Variants in HAL observed in about 807,000 individuals in gnomAD.
HAL encodes the protein histidase.
A neutral mutation model predicts 81.1 loss-of-function variants in HAL; 85 were observed. The ratio of observed to expected loss-of-function variants is 1.05; its 90% CI spans 0.88 to 1.25. The LOEUF (loss-of-function observed/expected upper bound fraction) is 1.25, where lower values mean the gene tolerates loss of function less well. Ranked by LOEUF, HAL falls within the 50% of genes most tolerant of loss-of-function variation. The probability of loss-of-function intolerance (pLI) is 0.00; values close to 1 mark genes in which losing one functional copy is unlikely to be tolerated. For synonymous variants in HAL, 301 were observed against 309.2 expected (o/e 0.97, Z 0.28); for missense variants, 798 against 836.6 (o/e 0.95, Z 0.57).
At chr12:95,978,884 A>G (rs142764945) in intron 17 of HAL, among the ~76,000 whole-genome samples, 151 of 152,274 alleles carry the variant, frequency 9.9e-4, no homozygotes, top group African/African-American at 3.4e-3. Flanking sequence ...GTTGTTTTCT[A>G]TGCTGCATGG....
chr12:95,974,444 C>A, intron 20 of HAL, 72 bp from the exon 21 acceptor site: 1 of 1,353,862 alleles, frequency 7.4e-7, no homozygotes, highest in East Asian at 2.3e-5. Flanking sequence ...ACATCAACTT[C>A]ATCCGAAGTC....
intron 17 of HAL, among the ~76,000 whole-genome samples, chr12:95,979,191 T>C (rs1357412802): frequency 1.3e-5 from 2 of 152,218 alleles, no homozygotes; most frequent in Non-Finnish European, 2.9e-5. Context: ...TCCATCCTGT[T>C]CTCTAGAAAT....
chr12:95,986,583 G>C (rs907984272), intron 12 of HAL, among the ~76,000 whole-genome samples: 3 of 152,314 alleles, frequency 2.0e-5, no homozygotes, highest in African/African-American at 7.2e-5. Context: ...CGAATAACAG[G>C]AGGGAGCCCT....
rs145015386 is a variant in HAL, at chr12:95,980,555, C to G, written c.1519+1G>C. Reference sequence around the variant, plus strand: ...TTCTGGGAAAGGGGCAGTGTCCTTACCAAGGGCTGCTGCCGTGCAGTGAGC... The same window carrying G: ...TTCTGGGAAAGGGGCAGTGTCCTTAGCAAGGGCTGCTGCCGTGCAGTGAGC... On this transcript the variant is annotated splice_donor_variant, in intron 17 of 20. Transcript: ENST00000261208. LOFTEE classifies it high-confidence loss of function. 1 of 1,613,048 alleles carries G rather than the reference C, an allele frequency of 6.2e-7. No individual in the cohort carries two copies. The highest frequency in any genetic ancestry group is 8.5e-7 in the Non-Finnish European group (1 of 1,179,818).
rs181692547 is a variant in HAL at position 95,977,181 on chromosome 12, G to A, written c.1655-475C>T. On this transcript the variant is annotated intron_variant, in intron 18 of 20. Transcript: ENST00000261208. ...GTTTCCAATTCCATATGAATTGCGGGGTGGGGATACTGGACTAGAAGATGA... is the reference window on the plus strand; with the variant it reads ...GTTTCCAATTCCATATGAATTGCGGAGTGGGGATACTGGACTAGAAGATGA... 3.3e-3 allele frequency among the ~76,000 whole-genome samples: 499 copies of A among 152,218 alleles called. 2 individuals are homozygous for A. Among genetic ancestry groups the A allele is most frequent in the Non-Finnish European group, 4.3e-3 (295 of 68,008 alleles).
rs1949885616 is a variant in HAL at position 95,986,179 on chromosome 12, A to G, written c.1052-19T>C. 3 of 1,320,364 alleles carry G rather than the reference A, an allele frequency of 2.3e-6. No homozygotes were observed. The highest frequency in any genetic ancestry group is 2.3e-5 in the South Asian group (2 of 85,178). 81.8% of individuals were successfully genotyped at this position (1,320,364 alleles called of 1,614,324 possible). On this transcript the variant is annotated intron_variant, in intron 12 of 20. Coordinates refer to ENST00000261208, the MANE Select transcript of HAL (RefSeq NM_002108.4). The stretch of plus-strand genomic sequence containing the variant: ...TGAATGTCTAGAATTGATGAAGGAG[A>G]AAAAGTCTGAATAATTCCATTTATT...
At chr12:95,980,407 T>A in intron 17 of HAL, 149 bp downstream of exon 17, 1 of 747,188 alleles carries the variant, frequency 1.3e-6, no homozygotes, top group Non-Finnish European at 2.3e-6. Flanking sequence ...AGAGTTAACC[T>A]GTTACCTTTG....
Position 95,973,409 on chromosome 12 carries a change from C to T in HAL, c.*823G>A, listed in dbSNP as rs1466791884. 2.0e-5 allele frequency: 3 copies of T among 152,072 alleles called. No individual in the cohort carries two copies. Among genetic ancestry groups the T allele is most frequent in the Non-Finnish European group, 4.4e-5 (3 of 68,020 alleles). The allele number at this position is 152,072 out of a possible 1,614,324, so 9.4% of individuals were successfully genotyped here. A position where few individuals can be genotyped will look rare whatever the true frequency, so the allele number is the denominator to read the frequency against. ...TACAGAAAGGAGGTTGGTTAATCCC[C>T]AAAGATTCCTTATCTGTGAAATGAG... On this transcript the variant is annotated 3_prime_UTR_variant, in exon 21 of 21. Transcript: ENST00000261208.
chr12:95,990,507 C>T lies in HAL; in HGVS notation c.741G>A (p.Glu247=). 1.2e-6 allele frequency: 2 copies of T among 1,613,686 alleles called. No homozygotes were observed. Among genetic ancestry groups the T allele is most frequent in the Non-Finnish European group, 1.7e-6 (2 of 1,179,576 alleles). The change falls in exon 10 of 21, where the codon GAG becomes GAA. Residue 247 remains glutamate (E), a synonymous_variant. Coordinates refer to ENST00000261208, the MANE Select transcript of HAL (RefSeq NM_002108.4). The stretch of plus-strand genomic sequence containing the variant: ...CTCCACTGGCACCAACGGTTCCTTT[C>T]TCTGGGACATAGGGCAGGCAGGAGG... ...FNASCLPYVP[E]KGTVGASGDL...
chr12:95,995,200 G>A (rs1950019248), intron 2 of HAL: 6 of 618,396 alleles, frequency 9.7e-6, no homozygotes, highest in Non-Finnish European at 1.7e-5. Context: ...AGAGACCAGG[G>A]GTTTAGATGA....
At position 95,993,948 on chromosome 12, in the gene HAL, A is replaced by G. The variant is rs761418150; in HGVS notation, c.462T>C (p.Asp154=). The change falls in exon 6 of 21, where the codon GAT becomes GAC. Residue 154 remains aspartate (D), a synonymous_variant. Transcript: ENST00000261208. ...KRVQKSREVI[D]SIIKEKTVVY... is the part of the protein sequence containing the mutation. ...TACCTGTTTTCTCTTTTATGATGCT[A>G]TCTATGACCTCCCTGGATTTCTGCA... The G allele has an allele frequency of 5.0e-6, 8 of 1,605,756 alleles. No individual in the cohort carries two copies. In the African/African-American group the frequency reaches 9.4e-5, roughly 19 times the overall value.
intron 10 of HAL, chr12:95,989,903 G>T: frequency 4.6e-6 from 1 of 218,448 alleles, no homozygotes; most frequent in South Asian, 7.3e-5. Flanking sequence ...TTATGCTGCT[G>T]TAATGAAATT....
chr12:95,978,270 C>G (rs1287287996), intron 17 of HAL, among the ~76,000 whole-genome samples, 192 bp from the exon 18 acceptor site: 1 of 151,990 alleles, frequency 6.6e-6, no homozygotes, highest in African/African-American at 2.4e-5. Context: ...CAAGTGAGGA[C>G]TCTAAAGCAA....
chr12:95,985,968 T>C lies in HAL; in HGVS notation c.1148-2A>G. ...CGCGATCACAGAACCTGTGACTCTC[T>C]GTGGAAGAGGTGGAGGGGATGAGAC... On this transcript the variant is annotated splice_acceptor_variant, in intron 13 of 20. Coordinates refer to ENST00000261208, the MANE Select transcript of HAL (RefSeq NM_002108.4). LOFTEE classifies it high-confidence loss of function. 1.2e-6 allele frequency: 2 copies of C among 1,611,260 alleles called. No homozygotes were observed. Among genetic ancestry groups the C allele is most frequent in the Non-Finnish European group, 1.7e-6 (2 of 1,177,458 alleles).
intron 12 of HAL, among the ~76,000 whole-genome samples, chr12:95,986,525 C>G (rs1271871470): frequency 6.6e-6 from 1 of 152,122 alleles, no homozygotes; most frequent in East Asian, 1.9e-4. Context: ...ATGTTGAGAC[C>G]ACTGGGAATT....
At chr12:95,994,294 A>G in intron 4 of HAL, 130 bp from the exon 5 acceptor site, 2 of 778,080 alleles carry the variant, frequency 2.6e-6, no homozygotes, top group Non-Finnish European at 4.7e-6. Context: ...AATATGCTAA[A>G]TAAAAATGCA....
At chr12:95,992,451 A>G (rs1949982266) in intron 9 of HAL, among the ~76,000 whole-genome samples, 1 of 151,814 alleles carries the variant, frequency 6.6e-6, no homozygotes, top group South Asian at 2.1e-4. Context: ...GACAAATGCT[A>G]GGGAAAGGGT....
rs551903131 is a variant in HAL, at chr12:95,977,157, T to C, written c.1655-451A>G. 7.2e-5 allele frequency among the ~76,000 whole-genome samples: 11 copies of C among 152,298 alleles called. 1 individual carries two copies. The highest frequency in any genetic ancestry group is 4.6e-4 in the Admixed American group (7 of 15,286). The stretch of plus-strand genomic sequence containing the variant: ...CATCAAGATGCTTTACATCTCGTGG[T>C]TTCCAATTCCATATGAATTGCGGGG... On this transcript the variant is annotated intron_variant, in intron 18 of 20. Coordinates refer to ENST00000261208, the MANE Select transcript of HAL (RefSeq NM_002108.4).
In HAL at chr12:95,993,657, C is replaced by T. The variant is rs746215302; in HGVS notation, c.551+115G>A. On this transcript the variant is annotated intron_variant, in intron 7 of 20. Coordinates refer to ENST00000261208, the MANE Select transcript of HAL (RefSeq NM_002108.4). ...ATACCAACTCACATGCAAGGTAACC[C>T]AAGCCTCATCCTCTGATCTGTAAAT... The T allele has an allele frequency of 1.7e-5, 14 of 847,442 alleles. No homozygotes were observed. The South Asian group carries it at 1.8e-4, about 11-fold the overall frequency. The allele number at this position is 847,442 out of a possible 1,614,324, so 52.5% of individuals were successfully genotyped here. A position where few individuals can be genotyped will look rare whatever the true frequency, so the allele number is the denominator to read the frequency against.
Sources: allele counts gnomAD v4.1 joint callset (sites outside exome capture counted in the v4.1 genomes callset), GRCh38; gene constraint gnomAD v4.1.1; transcripts MANE v1.5; gene names NCBI Gene and HGNC (gene_info 2026-07-23, HGNC 2026-07-21).